Variants in CEP164 observed in about 807,000 individuals in gnomAD.
CEP164 encodes centrosomal protein of 164 kDa.
CEP164 carries 162 observed loss-of-function variants against 182.7 expected under a neutral mutation model. The observed-to-expected ratio is 0.89, with a 90% CI of 0.78 to 1.01. The LOEUF is 1.01. Among genes scored for constraint, CEP164 ranks in the 50% least tolerant of loss-of-function variants. CEP164 has a pLI of 0.00. For synonymous variants in CEP164, 661 were observed against 690.0 expected (o/e 0.96, Z 0.66); for missense variants, 1,735 against 1,790.4 (o/e 0.97, Z 0.56).
intron 10 of CEP164, among the ~76,000 whole-genome samples, chr11:117,374,578 G>A (rs1370344433): frequency 2.0e-5 from 3 of 152,182 alleles, no homozygotes; most frequent in Non-Finnish European, 4.4e-5. Context: ...GCAGATGGCA[G>A]CTGCATTAAG....
Position 117,410,838 on chromosome 11 carries a change from G to A in CEP164, c.4107G>A (p.Pro1369=), listed in dbSNP as rs774656364. The change falls in exon 31 of 33, where the codon CCG becomes CCA. Residue 1369 remains proline, a synonymous_variant. Transcript: ENST00000278935. ...CCCATGCTCTTCCAGCTGGCATCCC[G>A]CTGCTCAGCAACAGCCCCACCCCGC... is the stretch of plus-strand genomic sequence containing the variant. The part of the protein sequence containing the change: ...KWRKYFPSGI[P]LLSNSPTPLE... The A allele has an allele frequency of 2.9e-5, 46 of 1,612,624 alleles. No individual in the cohort carries two copies. The East Asian group carries it at 5.1e-4, about 18-fold the overall frequency.
intron 3 of CEP164, among the ~76,000 whole-genome samples, chr11:117,340,994 T>C (rs1446499865): frequency 1.3e-5 from 2 of 152,066 alleles, no homozygotes; most frequent in Admixed American, 1.3e-4. Flanking sequence ...ACCCAGCTAA[T>C]TTTTGTATTT....
At chr11:117,327,951 C>G (rs916341815) in intron 1 of CEP164, 47 bp downstream of exon 1, 2 of 152,236 alleles carry the variant, frequency 1.3e-5, no homozygotes, top group Admixed American at 6.6e-5. Context: ...CCCAGAGCCT[C>G]GCCCGGAGCC....
rs2043497101 is a variant in CEP164, at chr11:117,382,858, A to G, written c.1640A>G (p.Glu547Gly). The G allele has an allele frequency of 3.1e-6, 5 of 1,614,026 alleles. No individual in the cohort carries two copies. The East Asian group carries it at 1.1e-4, about 36-fold the overall frequency. Residue 547 changes from glutamate (E) to glycine (G), a missense_variant, in exon 14 of 33, where the codon GAG becomes GGG. Physicochemically the swap from Glu to Gly is moderately conservative, Grantham distance 98. Coordinates refer to ENST00000278935, the MANE Select transcript of CEP164 (RefSeq NM_014956.5). ...GGCAAGGAGCAGCATTCCCAGGCCG[A>G]GGAGCTGGGCCCTGGGCAGGAAGAG... The part of the protein sequence containing the change: ...EKGKEQHSQA[E>G]ELGPGQEEAE...
intron 11 of CEP164, among the ~76,000 whole-genome samples, chr11:117,377,713 C>T (rs1273349224): frequency 6.6e-6 from 1 of 152,158 alleles, no homozygotes; most frequent in African/African-American, 2.4e-5. Flanking sequence ...AAAATATTTG[C>T]AATGCAGCTT....
intron 27 of CEP164, among the ~76,000 whole-genome samples, chr11:117,404,169 C>T (rs1358726636): frequency 6.6e-6 from 1 of 152,136 alleles, no homozygotes; most frequent in Non-Finnish European, 1.5e-5. Flanking sequence ...TCGTCAAACT[C>T]ATTCTCCATC....
chr11:117,410,072 G>C, intron 30 of CEP164, 107 bp downstream of exon 30: 1 of 1,056,860 alleles, frequency 9.5e-7, no homozygotes, highest in Non-Finnish European at 1.4e-6. Flanking sequence ...TTCCTCTTTT[G>C]CATCCCTTTG....
In CEP164 at chr11:117,363,501, T is replaced by C. The variant is rs750854769; in HGVS notation, c.760T>C (p.Tyr254His). 9 of 1,612,672 alleles carry C rather than the reference T, an allele frequency of 5.6e-6. No homozygotes were observed. The highest frequency in any genetic ancestry group is 1.7e-5 in the Admixed American group (1 of 59,984). The change falls in exon 8 of 33, where the codon TAT becomes CAT. Residue 254 changes from tyrosine (Y) to histidine (H), a missense_variant. Physicochemically the swap from Tyr to His is moderately conservative, Grantham distance 83. Transcript: ENST00000278935. ...TGGGGCACTGGGGGGTGACTTTGAG[T>C]ATGAGGTAAGAGCCCTAATCCCTAC... is the stretch of plus-strand genomic sequence containing the variant. ...DIGALGGDFE[Y>H]EESLRTSQPE...
rs566827907 is a variant in CEP164, at chr11:117,339,618, TC to T, written c.82+953del. ...ATCTTGGCTCACTGCAACCTCTCTC[TC>T]CCGGGTTCAAGCGAATCTCATGCCT... On this transcript the variant is annotated intron_variant, in intron 3 of 32. Transcript: ENST00000278935. Among the ~76,000 whole-genome samples, 3 of 136,250 alleles carry T rather than the reference TC, an allele frequency of 2.2e-5. No homozygotes were observed. The South Asian group carries it at 7.6e-4, about 34-fold the overall frequency. The allele number at this position is 136,250 out of a possible 152,430, so 89.4% of individuals were successfully genotyped here. A position where few individuals can be genotyped will look rare whatever the true frequency, so the allele number is the denominator to read the frequency against.
intron 4 of CEP164, among the ~76,000 whole-genome samples, chr11:117,347,490 C>G (rs965934216): frequency 6.6e-6 from 1 of 151,944 alleles, no homozygotes; most frequent in Non-Finnish European, 1.5e-5. Flanking sequence ...GTGGGCGGAT[C>G]ACTTGAGGTT....
chr11:117,408,668 A>T, intron 28 of CEP164: 1 of 579,596 alleles, frequency 1.7e-6, no homozygotes, highest in East Asian at 3.1e-5. Flanking sequence ...CACACATCAC[A>T]AGGGCGACAG....
chr11:117,324,555 C>A (rs185815996), upstream of CEP164, among the ~76,000 whole-genome samples: 1 of 152,160 alleles, frequency 6.6e-6, no homozygotes, highest in Non-Finnish European at 1.5e-5. Context: ...TTTCTGAGTA[C>A]AAACCTATGG....
Position 117,396,055 on chromosome 11 carries a change from A to T in CEP164, c.3091A>T (p.Ser1031Cys), listed in dbSNP as rs1184812312. Reference protein sequence around the residue: ...QSQQLQKHFSSLEAEAQKKQH... With the variant: ...QSQQLQKHFSCLEAEAQKKQH... ...TCTCACTCATCTTTCCTTCCACAGC[A>T]GCCTGGAGGCTGAAGCTCAAAAGAA... Residue 1031 changes from serine to cysteine, a missense_variant and splice_region_variant, in exon 25 of 33, where the codon AGC (serine) becomes TGC (cysteine). Coordinates refer to ENST00000278935, the MANE Select transcript of CEP164 (RefSeq NM_014956.5). 1 of 1,614,128 alleles carries T rather than the reference A, an allele frequency of 6.2e-7. No individual in the cohort carries two copies. The highest frequency in any genetic ancestry group is 2.2e-5 in the East Asian group (1 of 44,870).
chr11:117,336,863 G>A (rs1199724236), intron 2 of CEP164, among the ~76,000 whole-genome samples: 2 of 152,036 alleles, frequency 1.3e-5, no homozygotes, highest in Admixed American at 6.5e-5. Flanking sequence ...GCAGGTTGGG[G>A]AGGTGCTCTG....
At chr11:117,322,757 A>ATTT in intron 1 of CEP164, among the ~76,000 whole-genome samples, 1 of 47,734 alleles carries the variant, frequency 2.1e-5, no homozygotes, top group Non-Finnish European at 3.2e-5. Flanking sequence ...ATATAGATAG[A>ATTT]TTTTTTTTTT....
At chr11:117,371,832 T>C (rs1800308718) in intron 9 of CEP164, among the ~76,000 whole-genome samples, 1 of 149,994 alleles carries the variant, frequency 6.7e-6, no homozygotes, top group Admixed American at 6.7e-5. Flanking sequence ...AGACAGGGTC[T>C]TGCTCTGTAG....
At chr11:117,358,868 A>T (rs559710645) in intron 5 of CEP164, among the ~76,000 whole-genome samples, 28 of 151,896 alleles carry the variant, frequency 1.8e-4, no homozygotes, top group African/African-American at 6.5e-4. Flanking sequence ...CAGAGCTGGT[A>T]TAAAGTACTG....
At chr11:117,404,384 T>G (rs1489645573) in intron 27 of CEP164, among the ~76,000 whole-genome samples, 1 of 152,240 alleles carries the variant, frequency 6.6e-6, no homozygotes, top group Non-Finnish European at 1.5e-5. Flanking sequence ...CCTTTCTGTT[T>G]GTTAGTTTTC....
chr11:117,380,794 C>A, intron 12 of CEP164, 89 bp downstream of exon 12: 1 of 1,248,674 alleles, frequency 8.0e-7, no homozygotes. Context: ...GCCGGCCTGG[C>A]TCAGTGTACA....
Sources: allele counts gnomAD v4.1 joint callset (sites outside exome capture counted in the v4.1 genomes callset), GRCh38; gene constraint gnomAD v4.1.1; transcripts MANE v1.5; gene names NCBI Gene and HGNC (gene_info 2026-07-23, HGNC 2026-07-21).